The following NOD1 variants were observed in gnomAD, a reference collection of about 807,000 sequenced individuals.
NOD1 encodes the protein nucleotide binding oligomerization domain containing 1.
In NOD1, 70 loss-of-function variants were observed where a neutral mutation model predicts 81.2. That is an observed-to-expected ratio of 0.86 (90% CI 0.71 to 1.05). The LOEUF is 1.05. Ranked by LOEUF, NOD1 falls within the 50% of genes least tolerant of loss-of-function variation. The pLI, the probability that NOD1 is intolerant of heterozygous loss-of-function variation, is 0.00. For synonymous variants in NOD1, 508 were observed against 526.9 expected (o/e 0.96, Z 0.49); for missense variants, 1,233 against 1,228.0 (o/e 1.00, Z -0.06).
chr7:30,448,818 A>G lies in NOD1; in HGVS notation c.2202-437T>C, dbSNP rs1785390292. ...GCCCTGTCATCTTGCAGGCAGGGCCAATGATGTTAGGTGTCCTGCAAAATG... is the reference window on the plus strand; with the variant it reads ...GCCCTGTCATCTTGCAGGCAGGGCCGATGATGTTAGGTGTCCTGCAAAATG... On this transcript the variant is annotated intron_variant, in intron 6 of 13. Coordinates refer to ENST00000222823, the MANE Select transcript of NOD1 (RefSeq NM_006092.4). 2.6e-5 allele frequency among the ~76,000 whole-genome samples: 4 copies of G among 152,306 alleles called. No individual in the cohort carries two copies. In the South Asian group the frequency reaches 8.3e-4, roughly 32 times the overall value.
intron 1 of NOD1, among the ~76,000 whole-genome samples, chr7:30,465,055 G>A (rs1787539683): frequency 6.6e-6 from 1 of 152,156 alleles, no homozygotes; most frequent in Non-Finnish European, 1.5e-5. Flanking sequence ...ACAGAACAAG[G>A]AATCACAAGT....
intron 3 of NOD1, among the ~76,000 whole-genome samples, chr7:30,458,205 C>T (rs1159504593): frequency 6.6e-6 from 1 of 152,092 alleles, no homozygotes; most frequent in Non-Finnish European, 1.5e-5. Flanking sequence ...GTAACAATAA[C>T]AGCAAAAAAT....
chr7:30,477,681 A>ATTT (rs35530986), intron 1 of NOD1, among the ~76,000 whole-genome samples: 3 of 136,278 alleles, frequency 2.2e-5, no homozygotes, highest in African/African-American at 8.0e-5. Context: ...CGCCCGGTTA[A>ATTT]TTTTTTTTTT....
chr7:30,451,626 G>A lies in NOD1; in HGVS notation c.1791C>T (p.Ser597=). Residue 597 remains serine (S), a synonymous_variant, in exon 6 of 14, where the codon TCC becomes TCT. Coordinates refer to ENST00000222823, the MANE Select transcript of NOD1 (RefSeq NM_006092.4). The surrounding 1 kb of genome is among the most constrained non-coding windows in gnomAD (Gnocchi z 4.2). ...FTNLFLCGLL[S]KAKQKLLRHL... is the part of the protein sequence containing the mutation. ...GCCGCAGGAGTTTCTGTTTGGCTTT[G>A]GACAACAGCCCGCACAGGAAGAGGT... 1 of 1,613,936 alleles carries A rather than the reference G, an allele frequency of 6.2e-7. No individual in the cohort carries two copies. Among genetic ancestry groups the A allele is most frequent in the East Asian group, 2.2e-5 (1 of 44,878 alleles).
At chr7:30,455,591 T>G (rs1385501116) in intron 4 of NOD1, among the ~76,000 whole-genome samples, 1 of 60,248 alleles carries the variant, frequency 1.7e-5, no homozygotes, top group African/African-American at 1.2e-4. Flanking sequence ...TCTCTACCTC[T>G]TTTTTTTTTT....
In NOD1 at chr7:30,425,267, C is replaced by T. The variant is rs1016539848; in HGVS notation, c.*371G>A. ...TCAATGAAAAGAGCGGTGACCAACT[C>T]GCTCCCGTTGGTCCCTATGGCAGGT... is the stretch of plus-strand genomic sequence containing the variant. On this transcript the variant is annotated 3_prime_UTR_variant, in exon 14 of 14. Transcript: ENST00000222823. 15 of 225,782 alleles carry T rather than the reference C, an allele frequency of 6.6e-5. No homozygotes were observed. Among genetic ancestry groups the T allele is most frequent in the South Asian group, 8.3e-5 (1 of 12,074 alleles). 14.0% of individuals were successfully genotyped at this position (225,782 alleles called of 1,614,324 possible).
At chr7:30,446,011 C>G (rs1029418677) in intron 9 of NOD1, 130 bp downstream of exon 9, 23 of 732,740 alleles carry the variant, frequency 3.1e-5, no homozygotes, top group Admixed American at 6.2e-5. Flanking sequence ...GGTGAAAGCT[C>G]TCCACTATCT....
At chr7:30,426,352 A>G (rs138330261) in intron 13 of NOD1, among the ~76,000 whole-genome samples, 39 of 151,704 alleles carry the variant, frequency 2.6e-4, no homozygotes, top group African/African-American at 9.2e-4. Flanking sequence ...CTGGGGGTCA[A>G]CCTGGACACC....
At chr7:30,456,509 G>A (rs5743338) in intron 4 of NOD1, among the ~76,000 whole-genome samples, 67 of 152,218 alleles carry the variant, frequency 4.4e-4, no homozygotes, top group Non-Finnish European at 8.1e-4. Flanking sequence ...TGAGAACTGA[G>A]ATGTCAGGGT....
Position 30,446,386 on chromosome 7 carries a change from GA to G in NOD1, c.2370-163del, listed in dbSNP as rs1398533318. On this transcript the variant is annotated intron_variant, in intron 8 of 13. Transcript: ENST00000222823. ...TGGCCTGGGCCTCCTGTCAGGGAGG[GA>G]ACTGAAGCCCTGAGGACAGTCAGTC... 3 of 639,022 alleles carry G rather than the reference GA, an allele frequency of 4.7e-6. No individual in the cohort carries two copies. In the Admixed American group the frequency reaches 7.7e-5, roughly 16 times the overall value. 39.6% of individuals were successfully genotyped at this position (639,022 alleles called of 1,614,324 possible).
At chr7:30,463,720 CATTTT>C (rs1006274860) in intron 1 of NOD1, 2 of 146,780 alleles carry the variant, frequency 1.4e-5, no homozygotes, top group Non-Finnish European at 3.0e-5. Context: ...AAAAAAAAAA[CATTTT>C]ATAAAGATGT....
At chr7:30,450,455 C>A (rs1392595836) in intron 6 of NOD1, among the ~76,000 whole-genome samples, 1 of 152,182 alleles carries the variant, frequency 6.6e-6, no homozygotes, top group African/African-American at 2.4e-5. Context: ...GCAAATTTAA[C>A]CCCCTGTAGA....
chr7:30,462,069 T>G (rs1322526434), intron 1 of NOD1, among the ~76,000 whole-genome samples: 1 of 152,162 alleles, frequency 6.6e-6, no homozygotes, highest in Non-Finnish European at 1.5e-5. Context: ...TTCAGATCAG[T>G]TTCATCGGCA....
At chr7:30,436,123 C>T in intron 10 of NOD1, 42 bp from the exon 11 acceptor site, 1 of 1,465,254 alleles carries the variant, frequency 6.8e-7, no homozygotes, top group Non-Finnish European at 9.6e-7. Context: ...AAAGACACAT[C>T]TACATTCAAT....
intron 13 of NOD1, among the ~76,000 whole-genome samples, chr7:30,428,800 T>C (rs1257872193): frequency 6.6e-6 from 1 of 151,960 alleles, no homozygotes; most frequent in Non-Finnish European, 1.5e-5. Context: ...AGCTGCTGAG[T>C]GGGGAGTGTC....
chr7:30,471,918 G>A (rs959712453), intron 1 of NOD1, among the ~76,000 whole-genome samples: 10 of 152,298 alleles, frequency 6.6e-5, no homozygotes, highest in East Asian at 1.9e-4. Flanking sequence ...AGCATGTGCC[G>A]TGGGCTGGGC....
intron 9 of NOD1, 142 bp from the exon 10 acceptor site, chr7:30,437,798 A>G (rs1784512736): frequency 3.4e-6 from 2 of 585,914 alleles, no homozygotes; most frequent in Admixed American, 4.2e-5. Flanking sequence ...TGGCCTGGAC[A>G]CTAATTCCTC....
At position 30,456,964 on chromosome 7, in the gene NOD1, G is replaced by C; in HGVS notation, c.-43C>G. On this transcript the variant is annotated 5_prime_UTR_variant, in exon 4 of 14. Transcript: ENST00000222823. ...GCTACTTTTCCCAAATTCATCTTCA[G>C]CTGCGTGTGTCCTCTCAGCAGAAGG... 1.3e-6 allele frequency: 2 copies of C among 1,544,042 alleles called. No individual in the cohort carries two copies. The highest frequency in any genetic ancestry group is 1.7e-5 in the Admixed American group (1 of 59,894).
intron 9 of NOD1, among the ~76,000 whole-genome samples, chr7:30,445,674 G>A (rs111422499): frequency 0.023 from 3,300 of 145,342 alleles, 61 homozygotes; most frequent in Non-Finnish European, 0.035. Context: ...CGAGAGAATC[G>A]CTTGAACCCA....
Sources: gnomAD v4.1 joint callset for allele counts (sites outside exome capture counted in the v4.1 genomes callset) on GRCh38, gnomAD v4.1.1 for gene constraint, Gnocchi (gnomAD v3.1) non-coding constraint, MANE v1.5 for transcripts, NCBI Gene and HGNC (gene_info 2026-07-23, HGNC 2026-07-21) for gene names.